Variants in MMP21 observed in about 807,000 individuals in gnomAD.
MMP21 encodes matrix metallopeptidase 21.
A neutral mutation model predicts 47.8 loss-of-function variants in MMP21; 40 were observed. The ratio of observed to expected loss-of-function variants is 0.84; its 90% CI spans 0.65 to 1.09. The LOEUF is 1.09. Among genes scored for constraint, MMP21 ranks in the 50% least tolerant of loss-of-function variants. The probability of loss-of-function intolerance (pLI) is 0.00; values close to 1 mark genes in which losing one functional copy is unlikely to be tolerated. For missense variants in MMP21, 747 were observed against 775.3 expected (o/e 0.96, Z 0.43); for synonymous variants, 341 against 318.0 (o/e 1.07, Z -0.77).
chr10:125,771,190 T>C (rs1043496890), intron 4 of MMP21, among the ~76,000 whole-genome samples: 1 of 152,166 alleles, frequency 6.6e-6, no homozygotes, highest in Admixed American at 6.5e-5. Context: ...TTATGTACGG[T>C]TGACCACCCT....
At chr10:125,770,849 C>CA (rs5788714) in intron 4 of MMP21, among the ~76,000 whole-genome samples, 4,066 of 98,024 alleles carry the variant, frequency 0.041, 83 homozygotes, top group African/African-American at 0.08. Flanking sequence ...CCAGTGTCTA[C>CA]AAAAAAAAAA....
rs1850478734 is a variant in MMP21 at position 125,773,708 on chromosome 10, G to A, written c.697+123C>T. The A allele has an allele frequency of 1.6e-6, 2 of 1,258,924 alleles. No homozygotes were observed. Among genetic ancestry groups the A allele is most frequent in the Non-Finnish European group, 2.1e-6 (2 of 971,480 alleles). The allele number at this position is 1,258,924 out of a possible 1,614,324, so 78.0% of individuals were successfully genotyped here. ...TGGCTTCTGCCTGCCCCGCTGACAG[G>A]TGCCCCCGGGACAGGCCGGGAGGGC... On this transcript the variant is annotated intron_variant, in intron 2 of 6. Transcript: ENST00000368808. This position sits in a 1 kb window ranked among gnomAD's most constrained non-coding sequence, Gnocchi z 4.8.
rs551870099 is a variant in MMP21, at chr10:125,773,726, G to A, written c.697+105C>T. On this transcript the variant is annotated intron_variant, in intron 2 of 6. Coordinates refer to ENST00000368808, the MANE Select transcript of MMP21 (RefSeq NM_147191.1). This position sits in a 1 kb window ranked among gnomAD's most constrained non-coding sequence, Gnocchi z 4.8. ...CTGACAGGTGCCCCCGGGACAGGCC[G>A]GGAGGGCTTAGCCCCCCATTCTGCA... 2.2e-6 allele frequency: 3 copies of A among 1,374,488 alleles called. No individual in the cohort carries two copies. The highest frequency in any genetic ancestry group is 1.5e-5 in the African/African-American group (1 of 66,070). The allele number at this position is 1,374,488 out of a possible 1,614,324, so 85.1% of individuals were successfully genotyped here.
Position 125,772,739 on chromosome 10 carries a change from C to T in MMP21, c.709G>A (p.Gly237Ser). ...CTCCCATCGAAGGCCCGCGGACAGC[C>T]CAGGTGCCGGCCTGGCGAGGGGGAG... Reference protein sequence around the residue: ...KLGFGRGRHLGCPRAFDGSGQ... With the variant: ...KLGFGRGRHLSCPRAFDGSGQ... Residue 237 changes from glycine to serine, a missense_variant, in exon 3 of 7, where the codon GGC becomes AGC. By Grantham distance (56) the Gly-to-Ser change is moderately conservative (BLOSUM62 0). Coordinates refer to ENST00000368808, the MANE Select transcript of MMP21 (RefSeq NM_147191.1). This position sits in a 1 kb window ranked among gnomAD's most constrained non-coding sequence, Gnocchi z 5.6. 1 of 1,613,500 alleles carries T rather than the reference C, an allele frequency of 6.2e-7. No individual in the cohort carries two copies. The highest frequency in any genetic ancestry group is 8.5e-7 in the Non-Finnish European group (1 of 1,179,756).
chr10:125,768,433 T>C (rs1365261225), intron 5 of MMP21, among the ~76,000 whole-genome samples: 1 of 152,242 alleles, frequency 6.6e-6, no homozygotes, highest in Non-Finnish European at 1.5e-5. Context: ...TCTAAATCAG[T>C]AGAAGCTTAT....
intron 4 of MMP21, among the ~76,000 whole-genome samples, chr10:125,771,166 G>T (rs569930498): frequency 4.3e-4 from 66 of 152,302 alleles, no homozygotes; most frequent in African/African-American, 1.4e-3. Flanking sequence ...AAGCATCTCA[G>T]TTTGGTTGTG....
Position 125,772,549 on chromosome 10 carries a change from T to A in MMP21, c.837+62A>T. 6.2e-7 allele frequency: 1 copy of A among 1,608,194 alleles called. No homozygotes were observed. The highest frequency in any genetic ancestry group is 1.1e-5 in the South Asian group (1 of 90,980). ...ACTACATGAGAAAAGCTTGGACTTTTTGGACGTCAGCCCATGAGCACTGCT... is the reference window on the plus strand; with the variant it reads ...ACTACATGAGAAAAGCTTGGACTTTATGGACGTCAGCCCATGAGCACTGCT... On this transcript the variant is annotated intron_variant, in intron 3 of 6. Transcript: ENST00000368808. The surrounding 1 kb of genome is among the most constrained non-coding windows in gnomAD (Gnocchi z 5.6).
At chr10:125,770,933 G>A (rs556437048) in intron 4 of MMP21, among the ~76,000 whole-genome samples, 2 of 152,146 alleles carry the variant, frequency 1.3e-5, no homozygotes, top group African/African-American at 2.4e-5. Flanking sequence ...GGGAAGCTGA[G>A]GTGGGAGGAT....
In MMP21 at chr10:125,766,639, C is replaced by A; in HGVS notation, c.*23G>T. On this transcript the variant is annotated 3_prime_UTR_variant, in exon 7 of 7. Transcript: ENST00000368808. ...CAGAATTTTAGCGAAGTCCTATGAC[C>A]CTCCATTTCCTACTTTTTCTTATTA... 2 of 1,556,764 alleles carry A rather than the reference C, an allele frequency of 1.3e-6. No homozygotes were observed. Among genetic ancestry groups the A allele is most frequent in the Non-Finnish European group, 8.6e-7 (1 of 1,156,718 alleles).
intron 4 of MMP21, 109 bp from the exon 5 acceptor site, chr10:125,770,700 A>T (rs921865127): frequency 8.0e-7 from 1 of 1,247,234 alleles, no homozygotes; most frequent in Non-Finnish European, 1.1e-6. Flanking sequence ...CTTTCTATAA[A>T]AACACCTTAA....
intron 4 of MMP21, among the ~76,000 whole-genome samples, chr10:125,770,926 A>C (rs946107491): frequency 5.3e-5 from 8 of 151,580 alleles, no homozygotes; most frequent in African/African-American, 1.7e-4. Flanking sequence ...GTTACTTGGG[A>C]AGCTGAGGTG....
chr10:125,774,320 C>A lies in MMP21; in HGVS notation c.208G>T (p.Gly70Trp). The A allele has an allele frequency of 7.1e-7, 1 of 1,412,122 alleles. No homozygotes were observed. The highest frequency in any genetic ancestry group is 9.2e-7 in the Non-Finnish European group (1 of 1,091,214). 87.5% of individuals were successfully genotyped at this position (1,412,122 alleles called of 1,614,324 possible). A position where few individuals can be genotyped will look rare whatever the true frequency, so the allele number is the denominator to read the frequency against. The part of the protein sequence containing the change: ...YGWSGVWAAW[G>W]PSPEGPPETP... ...TCCGGCGGCCCCTCGGGACTGGGCC[C>A]CCAGGCCGCCCACACCCCTGACCAG... The change falls in exon 2 of 7, where the codon GGG (glycine) becomes TGG (tryptophan). Residue 70 changes from glycine to tryptophan, a missense_variant. Coordinates refer to ENST00000368808, the MANE Select transcript of MMP21 (RefSeq NM_147191.1).
chr10:125,769,441 G>A (rs1407321748), intron 5 of MMP21, among the ~76,000 whole-genome samples: 4 of 152,164 alleles, frequency 2.6e-5, no homozygotes, highest in South Asian at 2.1e-4. Flanking sequence ...ACCTCATCCC[G>A]GGTAAGTCTG....
rs545874124 is a variant in MMP21, at chr10:125,773,403, C to G, written c.697+428G>C. On this transcript the variant is annotated intron_variant, in intron 2 of 6. Coordinates refer to ENST00000368808, the MANE Select transcript of MMP21 (RefSeq NM_147191.1). The surrounding 1 kb of genome is among the most constrained non-coding windows in gnomAD (Gnocchi z 4.8). ...GTGATCCTCTTCTGCTTGGTCTGCCCCTTAAAAACACTTCTGTTGCTAGAC... is the reference window on the plus strand; with the variant it reads ...GTGATCCTCTTCTGCTTGGTCTGCCGCTTAAAAACACTTCTGTTGCTAGAC... Among the ~76,000 whole-genome samples the G allele has an allele frequency of 2.1e-4, 32 of 152,136 alleles. No homozygotes were observed. In the South Asian group the frequency reaches 3.7e-3, roughly 18 times the overall value.
rs1349924592 is a variant in MMP21 at position 125,772,794 on chromosome 10, C to A, written c.698-44G>T. The A allele has an allele frequency of 2.5e-6, 4 of 1,598,670 alleles. No individual in the cohort carries two copies. The highest frequency in any genetic ancestry group is 3.4e-6 in the Non-Finnish European group (4 of 1,172,362). On this transcript the variant is annotated intron_variant, in intron 2 of 6. Transcript: ENST00000368808. This position sits in a 1 kb window ranked among gnomAD's most constrained non-coding sequence, Gnocchi z 5.6. ...AGTTGGTCCCGGTGAAGGATGAGTG[C>A]CCCCCATACAGACTCCTCACCTAGG...
chr10:125,772,292 T>C lies in MMP21; in HGVS notation c.905A>G (p.Gln302Arg). The C allele has an allele frequency of 6.2e-7, 1 of 1,614,156 alleles. No homozygotes were observed. The highest frequency in any genetic ancestry group is 8.5e-7 in the Non-Finnish European group (1 of 1,180,020). Reference protein sequence around the residue: ...PHTYRTGSIMQPNYIPQEPAF... With the variant: ...PHTYRTGSIMRPNYIPQEPAF... ...AGGCTCCTGGGGAATGTAATTTGGTTGCATTATGGATCCCGTCCTGTAGGT... is the reference window on the plus strand; with the variant it reads ...AGGCTCCTGGGGAATGTAATTTGGTCGCATTATGGATCCCGTCCTGTAGGT... Residue 302 changes from glutamine (Q) to arginine (R), a missense_variant, in exon 4 of 7, where the codon CAA becomes CGA. Transcript: ENST00000368808. This position sits in a 1 kb window ranked among gnomAD's most constrained non-coding sequence, Gnocchi z 5.6.
chr10:125,774,747 G>A (rs1850496783), intron 1 of MMP21, among the ~76,000 whole-genome samples: 1 of 152,166 alleles, frequency 6.6e-6, no homozygotes, highest in South Asian at 2.1e-4. Context: ...TCGCGGGGGA[G>A]GAAGACGCTC....
At chr10:125,770,723 T>G (rs1487966063) in intron 4 of MMP21, 132 bp from the exon 5 acceptor site, 2 of 1,024,858 alleles carry the variant, frequency 2.0e-6, no homozygotes, top group Non-Finnish European at 2.8e-6. Context: ...CAAGACACCA[T>G]GTAAGGCTGA....
intron 6 of MMP21, among the ~76,000 whole-genome samples, 179 bp from the exon 7 acceptor site, chr10:125,767,140 T>G (rs915734851): frequency 2.1e-5 from 3 of 140,066 alleles, no homozygotes; most frequent in African/African-American, 6.1e-5. Context: ...ACGTTTTTTG[T>G]TTTTTTTTTG....
Sources: gnomAD v4.1 joint callset for allele counts (sites outside exome capture counted in the v4.1 genomes callset) on GRCh38, gnomAD v4.1.1 for gene constraint, Gnocchi (gnomAD v3.1) non-coding constraint, MANE v1.5 for transcripts, NCBI Gene and HGNC (gene_info 2026-07-23, HGNC 2026-07-21) for gene names.